Variants in GTF3C1 observed in about 807,000 individuals in gnomAD.
GTF3C1 encodes the protein general transcription factor 3C polypeptide 1.
A neutral mutation model predicts 226.7 loss-of-function variants in GTF3C1; 57 were observed. That is an observed-to-expected ratio of 0.25 (90% CI 0.20 to 0.31). The LOEUF is 0.31. Among genes scored for constraint, GTF3C1 ranks in the 10% least tolerant of loss-of-function variants. The probability of loss-of-function intolerance (pLI) is 1.00; values close to 1 mark genes in which losing one functional copy is unlikely to be tolerated. For missense variants in GTF3C1, 2,217 were observed against 2,776.1 expected (o/e 0.80, Z 4.53); for synonymous variants, 1,090 against 1,084.8 (o/e 1.00, Z -0.09).
At chr16:27,472,001 C>A in intron 29 of GTF3C1, 81 bp from the exon 30 acceptor site, 1 of 1,243,716 alleles carries the variant, frequency 8.0e-7, no homozygotes, top group East Asian at 2.4e-5. Flanking sequence ...GCAGAGGCTG[C>A]GGCTGATGCT....
At chr16:27,540,245 G>A (rs2089062529) in intron 2 of GTF3C1, among the ~76,000 whole-genome samples, 1 of 152,222 alleles carries the variant, frequency 6.6e-6, no homozygotes, top group Non-Finnish European at 1.5e-5. Flanking sequence ...TTTTGCTTAA[G>A]TCACAGAAGC....
Position 27,464,655 on chromosome 16 carries a change from G to A in GTF3C1, c.5537C>T (p.Pro1846Leu). The A allele has an allele frequency of 6.5e-7, 1 of 1,535,056 alleles. No homozygotes were observed. Among genetic ancestry groups the A allele is most frequent in the Non-Finnish European group, 8.7e-7 (1 of 1,146,410 alleles). Residue 1846 changes from proline (P) to leucine (L), a missense_variant, in exon 34 of 37, where the codon CCC becomes CTC. This residue lies in a region of GTF3C1 where 455 missense variants were observed against 441.9 expected (regional missense o/e 1.03). Coordinates refer to ENST00000356183, the MANE Select transcript of GTF3C1 (RefSeq NM_001520.4). ...AGAAGGAGGTGCCTGCCCCTCGGGG[G>A]GGCTGTCCTCACTGGAAGACCCCTC... ...PLEGSSSEDSPPEGQAPPSHS... is the reference protein window; with the variant it reads ...PLEGSSSEDSLPEGQAPPSHS...
Position 27,461,449 on chromosome 16 carries a change from C to G in GTF3C1, c.6231G>C (p.Glu2077Asp), listed in dbSNP as rs767669451. 4 of 1,613,852 alleles carry G rather than the reference C, an allele frequency of 2.5e-6. No homozygotes were observed. Among genetic ancestry groups the G allele is most frequent in the Non-Finnish European group, 3.4e-6 (4 of 1,179,784 alleles). Reference protein sequence around the residue: ...EEVEVPSSLDESPMAFYEPTL... With the variant: ...EEVEVPSSLDDSPMAFYEPTL... Reference sequence around the variant, plus strand: ...TGGGCTCATAGAAAGCCATGGGGCTCTCGTCCAGGCTGGAGGGCACTTCCA... The same window carrying G: ...TGGGCTCATAGAAAGCCATGGGGCTGTCGTCCAGGCTGGAGGGCACTTCCA... Residue 2077 changes from glutamate (E) to aspartate (D), a missense_variant, in exon 37 of 37, where the codon GAG becomes GAC. This residue lies in a region of GTF3C1 where 153 missense variants were observed against 199.8 expected (regional missense o/e 0.77). Coordinates refer to ENST00000356183, the MANE Select transcript of GTF3C1 (RefSeq NM_001520.4). The surrounding 1 kb of genome is among the most constrained non-coding windows in gnomAD (Gnocchi z 5.3).
At position 27,469,343 on chromosome 16, in the gene GTF3C1, C is replaced by A; in HGVS notation, c.5022G>T (p.Gln1674His). The A allele has an allele frequency of 6.3e-7, 1 of 1,597,934 alleles. No individual in the cohort carries two copies. Among genetic ancestry groups the A allele is most frequent in the East Asian group, 2.3e-5 (1 of 44,386 alleles). The change falls in exon 32 of 37, where the codon CAG becomes CAT. Residue 1674 changes from glutamine (Q) to histidine (H), a missense_variant. By Grantham distance (24) the Gln-to-His change is conservative. Coordinates refer to ENST00000356183, the MANE Select transcript of GTF3C1 (RefSeq NM_001520.4). The surrounding 1 kb of genome is among the most constrained non-coding windows in gnomAD (Gnocchi z 4.5). ...PNDSIVVNSC[Q>H]MKFQLRCTPV... Reference sequence around the variant, plus strand: ...GGGTGCAGCGGAGCTGGAACTTCATCTGGCAGGAGTTGACCACAATGCTGT... The same window carrying A: ...GGGTGCAGCGGAGCTGGAACTTCATATGGCAGGAGTTGACCACAATGCTGT...
At chr16:27,488,743 C>T in intron 21 of GTF3C1, 108 bp from the exon 22 acceptor site, 1 of 903,986 alleles carries the variant, frequency 1.1e-6, no homozygotes, top group Non-Finnish European at 1.7e-6. Flanking sequence ...GGCCGCTGTG[C>T]ACTGACAGCC....
intron 4 of GTF3C1, among the ~76,000 whole-genome samples, chr16:27,534,687 A>C (rs2141449233): frequency 6.6e-6 from 1 of 152,338 alleles, no homozygotes; most frequent in East Asian, 1.9e-4. Flanking sequence ...GCTGAGCACA[A>C]GCTATACACA....
Position 27,492,333 on chromosome 16 carries a change from C to T in GTF3C1, c.3151+5G>A. On this transcript the variant is annotated splice_donor_5th_base_variant and intron_variant, in intron 19 of 36. Coordinates refer to ENST00000356183, the MANE Select transcript of GTF3C1 (RefSeq NM_001520.4). The surrounding 1 kb of genome is among the most constrained non-coding windows in gnomAD (Gnocchi z 5.0). ...CCAGGTTCAGCCGAGACAGCCGACA[C>T]CCACCTAGTGGGGTGTTGAGGCAGA... 6.4e-7 allele frequency: 1 copy of T among 1,556,240 alleles called. No homozygotes were observed. Among genetic ancestry groups the T allele is most frequent in the South Asian group, 1.1e-5 (1 of 87,878 alleles).
intron 6 of GTF3C1, among the ~76,000 whole-genome samples, chr16:27,512,113 A>G (rs1344113461): frequency 2.3e-4 from 35 of 152,192 alleles, no homozygotes. Flanking sequence ...TGTTTTTAGA[A>G]GAATGAGTGA....
At chr16:27,476,134 CG>C (rs1755105871) in intron 29 of GTF3C1, among the ~76,000 whole-genome samples, 1 of 152,142 alleles carries the variant, frequency 6.6e-6, no homozygotes. Flanking sequence ...GAGGAGAGAT[CG>C]CCAAGTGTGC....
intron 28 of GTF3C1, among the ~76,000 whole-genome samples, chr16:27,477,455 T>C (rs2087967828): frequency 6.6e-6 from 1 of 152,098 alleles, no homozygotes; most frequent in African/African-American, 2.4e-5. Flanking sequence ...TACAGGCACC[T>C]GCCACGCCCA....
At chr16:27,514,000 G>A (rs2088616728) in intron 6 of GTF3C1, among the ~76,000 whole-genome samples, 1 of 152,190 alleles carries the variant, frequency 6.6e-6, no homozygotes, top group African/African-American at 2.4e-5. Flanking sequence ...CATGTGGCTT[G>A]CAGTTGAAGT....
chr16:27,487,198 A>C (rs967994416), intron 23 of GTF3C1, among the ~76,000 whole-genome samples: 1 of 152,260 alleles, frequency 6.6e-6, no homozygotes, highest in Non-Finnish European at 1.5e-5. Context: ...TTGGTCTTAC[A>C]CATATCTACG....
intron 4 of GTF3C1, among the ~76,000 whole-genome samples, chr16:27,537,012 T>C (rs2089010476): frequency 1.3e-5 from 2 of 152,226 alleles, no homozygotes; most frequent in South Asian, 4.1e-4. Flanking sequence ...CAGAAGAGAA[T>C]GTGCACATTT....
chr16:27,536,688 T>C (rs972920216), intron 4 of GTF3C1, among the ~76,000 whole-genome samples: 1 of 152,154 alleles, frequency 6.6e-6, no homozygotes, highest in African/African-American at 2.4e-5. Context: ...TTTTGGAGGA[T>C]GCACCTCCCC....
intron 6 of GTF3C1, among the ~76,000 whole-genome samples, chr16:27,518,188 G>GACACAC (rs113867049): frequency 1.1e-3 from 166 of 149,388 alleles, no homozygotes; most frequent in African/African-American, 4.0e-3. Flanking sequence ...CCCCGCCCAA[G>GACACAC]ACACACACAC....
intron 4 of GTF3C1, 39 bp from the exon 5 acceptor site, chr16:27,533,426 TTGC>T: frequency 9.3e-7 from 1 of 1,079,018 alleles, no homozygotes; most frequent in African/African-American, 1.5e-5. Flanking sequence ...TTCAAACCTG[TTGC>T]TGAAGTCAAT....
At chr16:27,540,185 T>C (rs1169138246) in intron 2 of GTF3C1, among the ~76,000 whole-genome samples, 1 of 152,252 alleles carries the variant, frequency 6.6e-6, no homozygotes, top group East Asian at 1.9e-4. Flanking sequence ...AAGAGGCTGT[T>C]TTAACTTAAC....
Position 27,462,255 on chromosome 16 carries a change from C to G in GTF3C1, c.6117+39G>C. On this transcript the variant is annotated intron_variant, in intron 36 of 36. Transcript: ENST00000356183. This position sits in a 1 kb window ranked among gnomAD's most constrained non-coding sequence, Gnocchi z 4.5. ...CAGCCGGGCCACTGAGTGCACCCAGCCGCCTCCACACCCTGCTGAACCCAG... is the reference window on the plus strand; with the variant it reads ...CAGCCGGGCCACTGAGTGCACCCAGGCGCCTCCACACCCTGCTGAACCCAG... 1 of 1,467,352 alleles carries G rather than the reference C, an allele frequency of 6.8e-7. No homozygotes were observed. Among genetic ancestry groups the G allele is most frequent in the Non-Finnish European group, 9.2e-7 (1 of 1,082,822 alleles). The allele number at this position is 1,467,352 out of a possible 1,614,324, so 90.9% of individuals were successfully genotyped here.
chr16:27,544,485 A>C (rs924763981), intron 2 of GTF3C1, among the ~76,000 whole-genome samples: 1 of 151,840 alleles, frequency 6.6e-6, no homozygotes, highest in African/African-American at 2.4e-5. Flanking sequence ...AGGAGGAGGA[A>C]GGGATGCATC....
Sources: gnomAD v4.1 joint callset for allele counts (sites outside exome capture counted in the v4.1 genomes callset) on GRCh38, gnomAD v4.1.1 for gene constraint, gnomAD v4.1.1 regional missense constraint, Gnocchi (gnomAD v3.1) non-coding constraint, MANE v1.5 for transcripts, NCBI Gene and HGNC (gene_info 2026-07-23, HGNC 2026-07-21) for gene names.